Variants in MCUB observed in about 807,000 individuals in gnomAD.
MCUB encodes calcium uniporter regulatory subunit MCUb, mitochondrial.
In MCUB, 46 loss-of-function variants were observed where a neutral mutation model predicts 41.4. The observed-to-expected ratio is 1.11, with a 90% confidence interval of 0.88 to 1.42. MCUB has a LOEUF of 1.42. MCUB is among the 40% of genes most tolerant of loss of function. The pLI is 0.00. For synonymous variants in MCUB, 148 were observed against 148.2 expected, an observed-to-expected ratio of 1.00 and a Z score of 0.01; for missense variants, 403 against 404.9, an observed-to-expected ratio of 1.00 and a Z score of 0.04.
intron 4 of MCUB, among the ~76,000 whole-genome samples, chr4:109,668,360 A>G (rs377617662): frequency 3.9e-5 from 6 of 152,146 alleles, no homozygotes; most frequent in African/African-American, 1.4e-4. Context: ...GTCTTCTTGG[A>G]GAATTGGCCT....
At chr4:109,625,462 C>T (rs1173720036) in intron 1 of MCUB, among the ~76,000 whole-genome samples, 3 of 152,212 alleles carry the variant, frequency 2.0e-5, no homozygotes, top group Non-Finnish European at 2.9e-5. Flanking sequence ...ATATATTCAA[C>T]ACTTTATTAT....
At position 109,688,563 on chromosome 4, in the gene MCUB, AG is replaced by A. The variant is rs1729911565; in HGVS notation, c.*972del. 6.6e-6 allele frequency: 1 copy of A among 152,258 alleles called. No individual in the cohort carries two copies. Among genetic ancestry groups the A allele is most frequent in the African/African-American group, 2.4e-5 (1 of 41,462 alleles). 9.4% of individuals were successfully genotyped at this position (152,258 alleles called of 1,614,324 possible). On this transcript the variant is annotated 3_prime_UTR_variant, in exon 8 of 8. Transcript: ENST00000394650. Reference sequence around the variant, plus strand: ...GAAATATTAAACATTTAAATGACCGAGTAAAAAACATCTATCAATTACACAA... The same window carrying A: ...GAAATATTAAACATTTAAATGACCGATAAAAAACATCTATCAATTACACAA...
chr4:109,571,535 G>C (rs927865787), intron 1 of MCUB, among the ~76,000 whole-genome samples: 1 of 152,102 alleles, frequency 6.6e-6, no homozygotes, highest in Non-Finnish European at 1.5e-5. Flanking sequence ...CTGGTCTCCA[G>C]CTCCTGACCT....
At position 109,598,869 on chromosome 4, in the gene MCUB, A is replaced by G. The variant is rs140789831; in HGVS notation, c.99+38433A>G. On this transcript the variant is annotated intron_variant, in intron 1 of 7. Coordinates refer to ENST00000394650, the MANE Select transcript of MCUB (RefSeq NM_017918.5). The stretch of plus-strand genomic sequence containing the variant: ...GTAACAAAGAAATAATTGTGAAAAT[A>G]TATCCATAGACCAATATATATTCAG... 6.1e-3 allele frequency among the ~76,000 whole-genome samples: 925 copies of G among 152,356 alleles called. 5 individuals are homozygous for G. Among genetic ancestry groups the G allele is most frequent in the African/African-American group, 0.02 (850 of 41,576 alleles).
Position 109,660,495 on chromosome 4 carries a change from T to C in MCUB, c.346+130T>C, listed in dbSNP as rs1729206280. On this transcript the variant is annotated intron_variant, in intron 3 of 7. Coordinates refer to ENST00000394650, the MANE Select transcript of MCUB (RefSeq NM_017918.5). ...ATAATAAATGGTTGGTCTTTATTCT[T>C]TCATTTTTATGCATCAACACTATTT... 4 of 513,178 alleles carry C rather than the reference T, an allele frequency of 7.8e-6. No individual in the cohort carries two copies. The South Asian group carries it at 1.4e-4, about 18-fold the overall frequency. The allele number at this position is 513,178 out of a possible 1,614,324, so 31.8% of individuals were successfully genotyped here.
chr4:109,591,712 T>G (rs1727441163), intron 1 of MCUB, among the ~76,000 whole-genome samples: 1 of 152,126 alleles, frequency 6.6e-6, no homozygotes, highest in South Asian at 2.1e-4. Flanking sequence ...GTTTGTTTGT[T>G]TTTTGAAATG....
intron 1 of MCUB, among the ~76,000 whole-genome samples, chr4:109,581,735 T>A (rs1011764411): frequency 2.6e-5 from 4 of 152,118 alleles, no homozygotes. Flanking sequence ...AACAGACACT[T>A]CTCAAAAGAA....
At chr4:109,663,336 A>G (rs1219591233) in intron 3 of MCUB, among the ~76,000 whole-genome samples, 2 of 152,238 alleles carry the variant, frequency 1.3e-5, no homozygotes, top group African/African-American at 4.8e-5. Flanking sequence ...CCTGGATTAC[A>G]TTAAAGTTTG....
chr4:109,598,502 A>G (rs189843650), intron 1 of MCUB, among the ~76,000 whole-genome samples: 2,990 of 151,982 alleles, frequency 0.02, 94 homozygotes, highest in African/African-American at 0.062. Context: ...AGGCTGAGGC[A>G]GGAGAATCAG....
chr4:109,561,402 C>CT (rs1224391625), intron 1 of MCUB, among the ~76,000 whole-genome samples: 2 of 151,926 alleles, frequency 1.3e-5, no homozygotes, highest in East Asian at 3.9e-4. Context: ...CTCCAGCTGT[C>CT]TGAGGGCTTC....
At chr4:109,649,078 G>A (rs1018720810) in intron 1 of MCUB, among the ~76,000 whole-genome samples, 20 of 152,264 alleles carry the variant, frequency 1.3e-4, no homozygotes, top group Middle Eastern at 3.4e-3. Flanking sequence ...GTTCACTACA[G>A]CTGAGTAGTG....
intron 1 of MCUB, among the ~76,000 whole-genome samples, chr4:109,602,880 C>G (rs965820796): frequency 6.6e-6 from 1 of 152,108 alleles, no homozygotes. Flanking sequence ...CTTCTTGCAT[C>G]TATGATTTAT....
intron 1 of MCUB, among the ~76,000 whole-genome samples, chr4:109,612,869 G>T (rs1728043917): frequency 6.6e-6 from 1 of 152,200 alleles, no homozygotes; most frequent in Non-Finnish European, 1.5e-5. Flanking sequence ...CACTTTGGGA[G>T]GCCAAGGCGG....
At chr4:109,679,863 G>A (rs1380783325) in intron 4 of MCUB, among the ~76,000 whole-genome samples, 2 of 152,096 alleles carry the variant, frequency 1.3e-5, no homozygotes, top group Non-Finnish European at 2.9e-5. Flanking sequence ...GTGCAGTGGT[G>A]CAATCTCGGC....
intron 1 of MCUB, among the ~76,000 whole-genome samples, chr4:109,586,906 CG>C (rs1727319834): frequency 6.6e-6 from 1 of 152,204 alleles, no homozygotes; most frequent in African/African-American, 2.4e-5. Flanking sequence ...TTAGGCTACA[CG>C]GAGGTCAGGG....
chr4:109,645,405 C>G (rs575524828), intron 1 of MCUB, among the ~76,000 whole-genome samples: 2 of 145,896 alleles, frequency 1.4e-5, no homozygotes, highest in East Asian at 3.9e-4. Context: ...ACTGGCTTCC[C>G]CCACCAACCA....
At chr4:109,597,039 A>G (rs1250835416) in intron 1 of MCUB, among the ~76,000 whole-genome samples, 3 of 151,706 alleles carry the variant, frequency 2.0e-5, no homozygotes, top group Non-Finnish European at 4.4e-5. Flanking sequence ...CAGAGAGCAC[A>G]GGGTTGGGGG....
chr4:109,621,361 G>C (rs1003458589), intron 1 of MCUB, among the ~76,000 whole-genome samples: 2 of 152,238 alleles, frequency 1.3e-5, no homozygotes, highest in African/African-American at 4.8e-5. Context: ...TTCTATAACT[G>C]TTACAAATTA....
chr4:109,566,843 A>G (rs1726789271), intron 1 of MCUB, among the ~76,000 whole-genome samples: 1 of 152,202 alleles, frequency 6.6e-6, no homozygotes, highest in Non-Finnish European at 1.5e-5. Context: ...TTAGTTGCTC[A>G]TTTCTATTCA....
Sources: gnomAD v4.1 joint callset for allele counts (sites outside exome capture counted in the v4.1 genomes callset) on GRCh38, gnomAD v4.1.1 for gene constraint, MANE v1.5 for transcripts, NCBI Gene and HGNC (gene_info 2026-07-23, HGNC 2026-07-21) for gene names.